FLT1: variants seen among roughly 807,000 people sequenced by gnomAD.
The protein encoded by FLT1 is fms related receptor tyrosine kinase 1.
FLT1 carries 49 observed loss-of-function variants against 156.3 expected under a neutral mutation model. The ratio of observed to expected loss-of-function variants is 0.31; its 90% CI spans 0.25 to 0.40. The LOEUF (loss-of-function observed/expected upper bound fraction) is 0.40, where lower values mean the gene tolerates loss of function less well. Among genes scored for constraint, FLT1 ranks in the 10% least tolerant of loss-of-function variants. The probability of loss-of-function intolerance (pLI) is 1.00; values close to 1 mark genes in which losing one functional copy is unlikely to be tolerated. For missense variants in FLT1, 1,322 were observed against 1,637.2 expected (o/e 0.81, Z 3.32); for synonymous variants, 594 against 583.8 (o/e 1.02, Z -0.25).
At chr13:28,466,631 T>A (rs1477652248) in intron 3 of FLT1, 5 of 489,806 alleles carry the variant, frequency 1.0e-5, no homozygotes, top group Non-Finnish European at 1.8e-5. Context: ...TTCATCCAAC[T>A]ATGGGCCACA....
chr13:28,383,556 G>A (rs1428297999), intron 14 of FLT1, among the ~76,000 whole-genome samples: 4 of 152,072 alleles, frequency 2.6e-5, no homozygotes, highest in East Asian at 1.9e-4. Flanking sequence ...CCAGCTACTC[G>A]GGAGGCTGAG....
chr13:28,350,875 C>A (rs1872717400), intron 15 of FLT1, among the ~76,000 whole-genome samples: 1 of 151,666 alleles, frequency 6.6e-6, no homozygotes, highest in African/African-American at 2.4e-5. Flanking sequence ...TGCCTTCCTT[C>A]CTTCCCTCCT....
intron 3 of FLT1, among the ~76,000 whole-genome samples, chr13:28,465,994 G>GT (rs879847434): frequency 2.6e-3 from 394 of 152,040 alleles, no homozygotes; most frequent in Middle Eastern, 0.014. Context: ...GTTTTCTTTT[G>GT]TTTTTTTTAA....
intron 29 of FLT1, 129 bp from the exon 30 acceptor site, chr13:28,303,497 C>A (rs61763572): frequency 1.0e-5 from 8 of 797,066 alleles, no homozygotes; most frequent in South Asian, 4.6e-5. Context: ...TTGGAACCCC[C>A]CCCCCCTCAA....
intron 10 of FLT1, among the ~76,000 whole-genome samples, chr13:28,408,869 G>A (rs1875971290): frequency 6.6e-6 from 1 of 151,954 alleles, no homozygotes; most frequent in African/African-American, 2.4e-5. Context: ...CAAGTACAAT[G>A]GCAGGGAGGT....
At chr13:28,460,047 G>A (rs192663651) in intron 3 of FLT1, among the ~76,000 whole-genome samples, 146 of 152,354 alleles carry the variant, frequency 9.6e-4, no homozygotes, top group African/African-American at 3.4e-3. Context: ...CCATGGAGAT[G>A]TTTATTGGAC....
intron 16 of FLT1, among the ~76,000 whole-genome samples, chr13:28,339,570 C>T (rs1177655476): frequency 6.6e-6 from 1 of 152,126 alleles, no homozygotes; most frequent in African/African-American, 2.4e-5. Flanking sequence ...CTCCAGTGAC[C>T]TTATGTGTTG....
intron 1 of FLT1, among the ~76,000 whole-genome samples, chr13:28,490,923 C>T (rs763330727): frequency 6.6e-6 from 1 of 152,210 alleles, no homozygotes; most frequent in African/African-American, 2.4e-5. Flanking sequence ...CAGCAGGCTT[C>T]GCATTTAACA....
At chr13:28,393,334 T>C (rs1593739673) in intron 12 of FLT1, among the ~76,000 whole-genome samples, 1 of 152,106 alleles carries the variant, frequency 6.6e-6, no homozygotes, top group Non-Finnish European at 1.5e-5. Context: ...GGGACAAGCA[T>C]AGGAATTTAA....
At chr13:28,319,673 A>G in intron 23 of FLT1, 139 bp from the exon 24 acceptor site, 2 of 673,434 alleles carry the variant, frequency 3.0e-6, no homozygotes, top group Non-Finnish European at 5.5e-6. Flanking sequence ...CCTAACATAG[A>G]GAACACCATA....
chr13:28,438,970 A>G (rs1452225201), intron 3 of FLT1, among the ~76,000 whole-genome samples: 4 of 152,218 alleles, frequency 2.6e-5, no homozygotes, highest in Non-Finnish European at 4.4e-5. Flanking sequence ...TTTCATATGT[A>G]TATTAGGCTT....
chr13:28,486,800 C>A (rs995746456), intron 1 of FLT1, among the ~76,000 whole-genome samples: 1 of 152,244 alleles, frequency 6.6e-6, no homozygotes, highest in Non-Finnish European at 1.5e-5. Flanking sequence ...TAAATAGTTT[C>A]TTCCACCTTG....
At chr13:28,330,267 A>G (rs1214355341) in intron 18 of FLT1, among the ~76,000 whole-genome samples, 1 of 152,256 alleles carries the variant, frequency 6.6e-6, no homozygotes, top group Non-Finnish European at 1.5e-5. Flanking sequence ...GTGAGGATCC[A>G]TAGCATCTGA....
chr13:28,306,794 T>A, intron 28 of FLT1, 22 bp from the exon 29 acceptor site: 1 of 1,552,870 alleles, frequency 6.4e-7, no homozygotes, highest in Non-Finnish European at 8.9e-7. Flanking sequence ...AGGAGAAAGG[T>A]TATACTCTTG....
chr13:28,473,422 A>AT (rs1880287373), intron 1 of FLT1, among the ~76,000 whole-genome samples: 1 of 151,862 alleles, frequency 6.6e-6, no homozygotes, highest in Non-Finnish European at 1.5e-5. Flanking sequence ...AGGAGGGTGG[A>AT]TCACCTGAGG....
At chr13:28,318,635 T>C (rs1276821896) in intron 24 of FLT1, among the ~76,000 whole-genome samples, 1 of 152,174 alleles carries the variant, frequency 6.6e-6, no homozygotes, top group East Asian at 1.9e-4. Context: ...AAGCAACAGG[T>C]GCCTGTCATC....
chr13:28,425,525 C>T (rs2137535328), intron 10 of FLT1, among the ~76,000 whole-genome samples: 1 of 90,660 alleles, frequency 1.1e-5, no homozygotes, highest in Admixed American at 1.2e-4. Flanking sequence ...ATTAGCATCA[C>T]TTAAACCCAA....
intron 14 of FLT1, among the ~76,000 whole-genome samples, chr13:28,372,626 G>A (rs1460819153): frequency 2.3e-5 from 3 of 133,034 alleles, no homozygotes; most frequent in Non-Finnish European, 3.2e-5. Context: ...GCTCATGCCT[G>A]TAATCCCAGC....
chr13:28,353,002 A>G (rs1872774622), intron 15 of FLT1, among the ~76,000 whole-genome samples: 1 of 152,198 alleles, frequency 6.6e-6, no homozygotes, highest in Non-Finnish European at 1.5e-5. Flanking sequence ...GACTTCTGGG[A>G]TTTAATTTAT....
Sources: gnomAD v4.1 joint callset for allele counts (sites outside exome capture counted in the v4.1 genomes callset) on GRCh38, gnomAD v4.1.1 for gene constraint, MANE v1.5 for transcripts, NCBI Gene and HGNC (gene_info 2026-07-23, HGNC 2026-07-21) for gene names.